The following KLHL36 variants were observed in gnomAD, a reference collection of about 807,000 sequenced individuals.
The protein encoded by KLHL36 is kelch-like protein 36.
KLHL36 carries 35 observed loss-of-function variants against 53.3 expected under a neutral mutation model. The observed-to-expected ratio is 0.66, with a 90% CI of 0.50 to 0.87. The LOEUF (loss-of-function observed/expected upper bound fraction) is 0.87, where lower values mean the gene tolerates loss of function less well. Ranked by LOEUF, KLHL36 falls within the 40% of genes least tolerant of loss-of-function variation. KLHL36 has a pLI of 0.00. For synonymous variants in KLHL36, 472 were observed against 398.9 expected, an observed-to-expected ratio of 1.18 and a Z score of -2.18; for missense variants, 864 against 897.6, an observed-to-expected ratio of 0.96 and a Z score of 0.48.
rs141187898 is a variant in KLHL36 at position 84,665,289 on chromosome 16, T to C, written c.*3156T>C. ...CATTTCAAAATAAGCATGGCAGGCT[T>C]CTATTGAGGTTTGGACTTCTCTCAT... On this transcript the variant is annotated 3_prime_UTR_variant, in exon 5 of 5. Transcript: ENST00000564996. 1.6e-3 allele frequency: 243 copies of C among 152,240 alleles called. No homozygotes were observed. Among genetic ancestry groups the C allele is most frequent in the African/African-American group, 5.7e-3 (237 of 41,554 alleles). The allele number at this position is 152,240 out of a possible 1,614,324, so 9.4% of individuals were successfully genotyped here.
intron 3 of KLHL36, 98 bp downstream of exon 3, chr16:84,658,042 T>C (rs1907326997): frequency 2.3e-6 from 2 of 877,534 alleles, no homozygotes; most frequent in African/African-American, 1.7e-5. Flanking sequence ...CCTTGACAAC[T>C]ATCCTGCTTC....
At chr16:84,656,546 C>T (rs1335970377) in intron 2 of KLHL36, among the ~76,000 whole-genome samples, 2 of 150,928 alleles carry the variant, frequency 1.3e-5, no homozygotes, top group Non-Finnish European at 3.0e-5. Flanking sequence ...GCAGGAGAAT[C>T]ACTTGAACCC....
At chr16:84,650,114 G>A (rs956941013) in intron 1 of KLHL36, among the ~76,000 whole-genome samples, 5 of 152,094 alleles carry the variant, frequency 3.3e-5, no homozygotes, top group African/African-American at 7.2e-5. Flanking sequence ...GTGTGACGCC[G>A]GGCAGCTTAT....
rs749342936 is a variant in KLHL36, at chr16:84,652,298, T to A, written c.63+1368T>A. On this transcript the variant is annotated intron_variant, in intron 2 of 4. Coordinates refer to ENST00000564996, the MANE Select transcript of KLHL36 (RefSeq NM_024731.4). ...ACTTTTTTTTTTTTTCGAGACAGGGTCTTGCTCTGTCACTTAGGTTGGAGT... is the reference window on the plus strand; with the variant it reads ...ACTTTTTTTTTTTTTCGAGACAGGGACTTGCTCTGTCACTTAGGTTGGAGT... 8.7e-4 allele frequency among the ~76,000 whole-genome samples: 132 copies of A among 151,304 alleles called. 1 individual carries two copies. The highest frequency in any genetic ancestry group is 1.6e-3 in the Non-Finnish European group (111 of 67,818).
At chr16:84,651,774 A>C (rs1372244392) in intron 2 of KLHL36, among the ~76,000 whole-genome samples, 1 of 152,202 alleles carries the variant, frequency 6.6e-6, no homozygotes, top group East Asian at 1.9e-4. Flanking sequence ...ACAATTATAC[A>C]TACAGTACAT....
In KLHL36 at chr16:84,661,486, C is replaced by T; in HGVS notation, c.1296-92C>T. The stretch of plus-strand genomic sequence containing the variant: ...CCCTATATTCTTAAATCCTCATGGC[C>T]CTCTAAGACGGCAGGCTGTTCCCCG... On this transcript the variant is annotated intron_variant, in intron 4 of 4. Coordinates refer to ENST00000564996, the MANE Select transcript of KLHL36 (RefSeq NM_024731.4). This position sits in a 1 kb window ranked among gnomAD's most constrained non-coding sequence, Gnocchi z 7.9. The T allele has an allele frequency of 5.5e-6, 7 of 1,275,468 alleles. No homozygotes were observed. The highest frequency in any genetic ancestry group is 6.5e-6 in the Non-Finnish European group (6 of 920,742). 79.0% of individuals were successfully genotyped at this position (1,275,468 alleles called of 1,614,324 possible). A position where few individuals can be genotyped will look rare whatever the true frequency, so the allele number is the denominator to read the frequency against.
In KLHL36 at chr16:84,665,586, C is replaced by G. The variant is rs972950062; in HGVS notation, c.*3453C>G. 2.6e-5 allele frequency: 4 copies of G among 152,204 alleles called. No individual in the cohort carries two copies. The highest frequency in any genetic ancestry group is 5.9e-5 in the Non-Finnish European group (4 of 68,032). 9.4% of individuals were successfully genotyped at this position (152,204 alleles called of 1,614,324 possible). ...ATCAAGTGGGACTTCAGACCTGGCT[C>G]TGAGCAGGACCACACGTGTGTATTT... On this transcript the variant is annotated 3_prime_UTR_variant, in exon 5 of 5. Coordinates refer to ENST00000564996, the MANE Select transcript of KLHL36 (RefSeq NM_024731.4).
rs1318036802 is a variant in KLHL36 at position 84,650,887 on chromosome 16, A to G, written c.20A>G (p.Gln7Arg). The stretch of plus-strand genomic sequence containing the variant: ...TCTTTAATGATGGAGGGAAGCAGGC[A>G]GACGCGAGTGTCTCGGCCATACAAG... MMEGSR[Q>R]TRVSRPYKIS... Residue 7 changes from glutamine to arginine, a missense_variant, in exon 2 of 5, where the codon CAG becomes CGG. Gln to Arg is a conservative substitution (Grantham distance 43). Transcript: ENST00000564996. 6.2e-7 allele frequency: 1 copy of G among 1,612,086 alleles called. No homozygotes were observed. The highest frequency in any genetic ancestry group is 8.5e-7 in the Non-Finnish European group (1 of 1,179,612).
At position 84,656,882 on chromosome 16, in the gene KLHL36, G is replaced by T; in HGVS notation, c.75G>T (p.Trp25Cys). ...TCTTCTCTGTCCAGGTATACCGCTG[G>T]GCCGACCACTCAAGCACGGTGCTGC... ...KISESSKVYR[W>C]ADHSSTVLQR... Residue 25 changes from tryptophan to cysteine, a missense_variant, in exon 3 of 5, where the codon TGG (tryptophan) becomes TGT (cysteine). Physicochemically the swap from Trp to Cys is radical, Grantham distance 215. Coordinates refer to ENST00000564996, the MANE Select transcript of KLHL36 (RefSeq NM_024731.4). 6.2e-7 allele frequency: 1 copy of T among 1,607,960 alleles called. No individual in the cohort carries two copies.
chr16:84,660,525 C>T (rs1185521406), intron 4 of KLHL36, among the ~76,000 whole-genome samples: 1 of 152,178 alleles, frequency 6.6e-6, no homozygotes, highest in East Asian at 1.9e-4. Flanking sequence ...TCCACCAGTT[C>T]CCTGTTGCCG....
At position 84,650,267 on chromosome 16, in the gene KLHL36, A is replaced by G. The variant is rs529878073; in HGVS notation, c.-16-585A>G. Among the ~76,000 whole-genome samples the G allele has an allele frequency of 1.6e-3, 240 of 152,276 alleles. 3 individuals are homozygous for G. The highest frequency in any genetic ancestry group is 0.016 in the Admixed American group (238 of 15,292). On this transcript the variant is annotated intron_variant, in intron 1 of 4. Transcript: ENST00000564996. Reference sequence around the variant, plus strand: ...TGTACATGGTAGTCATCACTGTACCACATCCTCATCTGCATCATGATATTT... The same window carrying G: ...TGTACATGGTAGTCATCACTGTACCGCATCCTCATCTGCATCATGATATTT...
Position 84,667,032 on chromosome 16 carries a change from A to G in KLHL36, c.*4899A>G, listed in dbSNP as rs905844420. The G allele has an allele frequency of 6.6e-6, 1 of 150,792 alleles. No homozygotes were observed. The highest frequency in any genetic ancestry group is 6.6e-5 in the Admixed American group (1 of 15,064). The allele number at this position is 150,792 out of a possible 1,614,324, so 9.3% of individuals were successfully genotyped here. On this transcript the variant is annotated 3_prime_UTR_variant, in exon 5 of 5. Transcript: ENST00000564996. ...AGCCGAGGTTGCGCCACTGCACTCC[A>G]GCCTGGGTGACCGAGTAAGACTGTC...
chr16:84,657,470 G>C lies in KLHL36; in HGVS notation c.663G>C (p.Gln221His). 6.2e-7 allele frequency: 1 copy of C among 1,606,770 alleles called. No individual in the cohort carries two copies. Among genetic ancestry groups the C allele is most frequent in the Admixed American group, 1.7e-5 (1 of 59,998 alleles). ...LQAALQWLTQ[Q>H]PEREAHARQV... is the part of the protein sequence containing the mutation. The stretch of plus-strand genomic sequence containing the variant: ...CCGCCCTGCAGTGGCTGACGCAGCA[G>C]CCCGAGCGCGAGGCCCACGCCCGCC... Residue 221 changes from glutamine to histidine, a missense_variant, in exon 3 of 5, where the codon CAG (glutamine) becomes CAC (histidine). Transcript: ENST00000564996.
intron 3 of KLHL36, chr16:84,659,412 A>G (rs1321304748): frequency 4.4e-6 from 1 of 228,516 alleles, no homozygotes; most frequent in Non-Finnish European, 8.7e-6. Flanking sequence ...ATGAATTTTT[A>G]TTTCATAAAG....
rs567929219 is a variant in KLHL36 at position 84,662,212 on chromosome 16, C to A, written c.*79C>A. Reference sequence around the variant, plus strand: ...GACCAGCAGCAACTTCTTAGTATTCCGGAAACATTATGTACAACTTAGCAG... The same window carrying A: ...GACCAGCAGCAACTTCTTAGTATTCAGGAAACATTATGTACAACTTAGCAG... On this transcript the variant is annotated 3_prime_UTR_variant, in exon 5 of 5. Coordinates refer to ENST00000564996, the MANE Select transcript of KLHL36 (RefSeq NM_024731.4). 5.7e-4 allele frequency: 723 copies of A among 1,270,482 alleles called. No individual in the cohort carries two copies. Among genetic ancestry groups the A allele is most frequent in the Non-Finnish European group, 6.9e-4 (652 of 947,706 alleles). The allele number at this position is 1,270,482 out of a possible 1,614,324, so 78.7% of individuals were successfully genotyped here.
At position 84,659,746 on chromosome 16, in the gene KLHL36, T is replaced by G; in HGVS notation, c.1138-14T>G. 1.9e-6 allele frequency: 3 copies of G among 1,613,374 alleles called. No individual in the cohort carries two copies. In the African/African-American group the frequency reaches 4.0e-5, roughly 22 times the overall value. On this transcript the variant is annotated splice_polypyrimidine_tract_variant and intron_variant, in intron 3 of 4. Transcript: ENST00000564996. ...GTTCGGGGAAGGGAAGGTACAGGTA[T>G]CTCAACTCCACAGGTGGCCTCCATG...
rs1907675718 is a variant in KLHL36, at chr16:84,663,488, G to C, written c.*1355G>C. ...ACTATGGGAGGATAGGAGTGTGATG[G>C]GTTTTAAGCATGAGCCAAGGAAGGC... On this transcript the variant is annotated 3_prime_UTR_variant, in exon 5 of 5. Coordinates refer to ENST00000564996, the MANE Select transcript of KLHL36 (RefSeq NM_024731.4). The C allele has an allele frequency of 6.6e-6, 1 of 151,778 alleles. No homozygotes were observed. The highest frequency in any genetic ancestry group is 1.5e-5 in the Non-Finnish European group (1 of 67,982). The allele number at this position is 151,778 out of a possible 1,614,324, so 9.4% of individuals were successfully genotyped here. A position where few individuals can be genotyped will look rare whatever the true frequency, so the allele number is the denominator to read the frequency against.
At position 84,665,318 on chromosome 16, in the gene KLHL36, T is replaced by G. The variant is rs1482467929; in HGVS notation, c.*3185T>G. On this transcript the variant is annotated 3_prime_UTR_variant, in exon 5 of 5. Coordinates refer to ENST00000564996, the MANE Select transcript of KLHL36 (RefSeq NM_024731.4). Reference sequence around the variant, plus strand: ...TTGAGGTTTGGACTTCTCTCATTTCTAAAGAATTAGAGTTGTAACTTCATA... The same window carrying G: ...TTGAGGTTTGGACTTCTCTCATTTCGAAAGAATTAGAGTTGTAACTTCATA... 1 of 152,108 alleles carries G rather than the reference T, an allele frequency of 6.6e-6. No individual in the cohort carries two copies. Among genetic ancestry groups the G allele is most frequent in the Non-Finnish European group, 1.5e-5 (1 of 68,026 alleles). 9.4% of individuals were successfully genotyped at this position (152,108 alleles called of 1,614,324 possible).
chr16:84,650,635 GATAAAGGAATGGGAGTTAA>G, intron 1 of KLHL36, among the ~76,000 whole-genome samples, 198 bp from the exon 2 acceptor site: 1 of 152,100 alleles, frequency 6.6e-6, no homozygotes, highest in Non-Finnish European at 1.5e-5. Context: ...GATTTTAGAT[GATAAAGGAATGGGAGTTAA>G]ATGTTCTGTC....
Sources: gnomAD v4.1 joint callset for allele counts (sites outside exome capture counted in the v4.1 genomes callset) on GRCh38, gnomAD v4.1.1 for gene constraint, Gnocchi (gnomAD v3.1) non-coding constraint, MANE v1.5 for transcripts, NCBI Gene and HGNC (gene_info 2026-07-23, HGNC 2026-07-21) for gene names.